INF2: variants seen among roughly 807,000 people sequenced by gnomAD.
INF2 encodes the protein inverted formin 2.
In INF2, 43 loss-of-function variants were observed where a neutral mutation model predicts 123.5. The observed-to-expected ratio is 0.35, with a 90% CI of 0.27 to 0.45. The LOEUF (loss-of-function observed/expected upper bound fraction) is 0.45. Among genes scored for constraint, INF2 ranks in the 20% least tolerant of loss-of-function variants. INF2 has a pLI of 1.00. For missense variants in INF2, 1,453 were observed against 1,682.7 expected, an observed-to-expected ratio of 0.86 and a Z score of 2.39; for synonymous variants, 851 against 745.0, an observed-to-expected ratio of 1.14 and a Z score of -2.32.
intron 13 of INF2, 57 bp downstream of exon 13, chr14:104,710,245 G>C: frequency 2.2e-6 from 3 of 1,336,570 alleles, no homozygotes; most frequent in Non-Finnish European, 3.1e-6. Flanking sequence ...GAACCGGGGC[G>C]GGAGGGCTGC....
In INF2 at chr14:104,701,812, C is replaced by T. The variant is rs1889520808; in HGVS notation, c.391+56C>T. The T allele has an allele frequency of 2.1e-6, 3 of 1,436,266 alleles. No homozygotes were observed. The African/African-American group carries it at 4.3e-5, about 21-fold the overall frequency. The allele number at this position is 1,436,266 out of a possible 1,614,324, so 89.0% of individuals were successfully genotyped here. ...CGGACGCTGGGGACCTGGTATGAGGCTTCAGGCCCAAAAGGCCCCGGGAGG... is the reference window on the plus strand; with the variant it reads ...CGGACGCTGGGGACCTGGTATGAGGTTTCAGGCCCAAAAGGCCCCGGGAGG... On this transcript the variant is annotated intron_variant, in intron 2 of 22. Coordinates refer to ENST00000392634, the MANE Select transcript of INF2 (RefSeq NM_022489.4).
rs770240053 is a variant in INF2 at position 104,706,992 on chromosome 14, A to G, written c.926A>G (p.Gln309Arg). Residue 309 changes from glutamine (Q) to arginine (R), a missense_variant, in exon 7 of 23, where the codon CAG becomes CGG. Around this residue, in one of 8 missense-constraint regions of INF2, gnomAD observed 374 missense variants for 303.7 expected, o/e 1.23. Transcript: ENST00000392634. ...LHLEPTLRSS[Q>R]LLWEALESLV... The stretch of plus-strand genomic sequence containing the variant: ...CTGGAGCCCACCCTCCGCTCCAGCC[A>G]GCTGCTCTGGGAGGCCCTGGAGAGC... 5 of 1,598,352 alleles carry G rather than the reference A, an allele frequency of 3.1e-6. No individual in the cohort carries two copies. In the South Asian group the frequency reaches 4.4e-5, roughly 14 times the overall value.
chr14:104,689,638 C>A lies in INF2; in HGVS notation c.-111C>A. ...CGCCCGCCAGGAGCCACCGTCCGAG[C>A]CTTGCGGAGCGCGGCAGTGGGCGCC... On this transcript the variant is annotated 5_prime_UTR_variant, in exon 1 of 23. Coordinates refer to ENST00000392634, the MANE Select transcript of INF2 (RefSeq NM_022489.4). The A allele has an allele frequency of 6.3e-6, 6 of 953,656 alleles. No homozygotes were observed. Among genetic ancestry groups the A allele is most frequent in the Non-Finnish European group, 7.5e-6 (6 of 801,490 alleles). The allele number at this position is 953,656 out of a possible 1,614,324, so 59.1% of individuals were successfully genotyped here. A position where few individuals can be genotyped will look rare whatever the true frequency, so the allele number is the denominator to read the frequency against.
intron 11 of INF2, 95 bp downstream of exon 11, chr14:104,709,478 A>G: frequency 7.9e-7 from 1 of 1,271,238 alleles, no homozygotes; most frequent in Non-Finnish European, 1.1e-6. Context: ...CAGAGAAGGG[A>G]GGCATCCCAG....
chr14:104,697,677 C>T (rs886482574), intron 1 of INF2, among the ~76,000 whole-genome samples: 4 of 152,236 alleles, frequency 2.6e-5, no homozygotes, highest in African/African-American at 9.6e-5. Context: ...AGGCCCAGGC[C>T]CAGAGGGGGA....
intron 8 of INF2, 170 bp from the exon 9 acceptor site, chr14:104,708,266 C>A: frequency 1.1e-6 from 1 of 930,242 alleles, no homozygotes; most frequent in Non-Finnish European, 1.6e-6. Flanking sequence ...TGGGGCCCTG[C>A]TACAGGTGCT....
At chr14:104,685,820 ATGGG>A (rs1888644917), upstream of INF2, among the ~76,000 whole-genome samples, 1 of 129,242 alleles carries the variant, frequency 7.7e-6, no homozygotes. Context: ...TGAGTGGATG[ATGGG>A]TGGGTAGGCC....
chr14:104,706,135 A>G lies in INF2; in HGVS notation c.802A>G (p.Met268Val), dbSNP rs773749344. The change falls in exon 6 of 23, where the codon ATG becomes GTG. Residue 268 changes from methionine (M) to valine (V), a missense_variant. This residue lies in a region of INF2 where 251 missense variants were observed against 349.4 expected (regional missense o/e 0.72). Coordinates refer to ENST00000392634, the MANE Select transcript of INF2 (RefSeq NM_022489.4). Reference sequence around the variant, plus strand: ...GCTGCGAGTCTCTGGCGGGGTCGACATGAGCAGCCACCAGGAGGTCTTTGC... The same window carrying G: ...GCTGCGAGTCTCTGGCGGGGTCGACGTGAGCAGCCACCAGGAGGTCTTTGC... ...ELLRVSGGVD[M>V]SSHQEVFASL... is the part of the protein sequence containing the mutation. 6.2e-7 allele frequency: 1 copy of G among 1,606,100 alleles called. No homozygotes were observed. Among genetic ancestry groups the G allele is most frequent in the Non-Finnish European group, 8.5e-7 (1 of 1,176,940 alleles).
chr14:104,718,985 G>A lies in INF2; in HGVS notation c.*192G>A, dbSNP rs1360472950. 1 of 1,357,228 alleles carries A rather than the reference G, an allele frequency of 7.4e-7. No homozygotes were observed. The allele number at this position is 1,357,228 out of a possible 1,614,324, so 84.1% of individuals were successfully genotyped here. ...GTGGCTGGGAACCCGACAGGCACCAGTGCCCTGCCAGGCCTGGTGCCCTCC... is the reference window on the plus strand; with the variant it reads ...GTGGCTGGGAACCCGACAGGCACCAATGCCCTGCCAGGCCTGGTGCCCTCC... On this transcript the variant is annotated 3_prime_UTR_variant, in exon 23 of 23. Transcript: ENST00000392634.
chr14:104,711,575 C>T lies in INF2; in HGVS notation c.2419-54C>T, dbSNP rs1595176221. 2.7e-6 allele frequency: 4 copies of T among 1,499,132 alleles called. No homozygotes were observed. The South Asian group carries it at 4.5e-5, about 17-fold the overall frequency. 92.9% of individuals were successfully genotyped at this position (1,499,132 alleles called of 1,614,324 possible). ...GCTGGGGGAGTGGGAACAGGGTCAT[C>T]CCCAGGTGGAGAGTATGACCACAGT... is the stretch of plus-strand genomic sequence containing the variant. On this transcript the variant is annotated intron_variant, in intron 15 of 22. Transcript: ENST00000392634.
chr14:104,701,810 G>A, intron 2 of INF2, 54 bp downstream of exon 2: 2 of 1,439,144 alleles, frequency 1.4e-6, no homozygotes, highest in Non-Finnish European at 1.8e-6. Flanking sequence ...CCTGGTATGA[G>A]GCTTCAGGCC....
chr14:104,712,659 C>A, intron 17 of INF2, 106 bp downstream of exon 17: 1 of 1,552,098 alleles, frequency 6.4e-7, no homozygotes, highest in Non-Finnish European at 8.8e-7. Flanking sequence ...TCCTGGGGCC[C>A]GAGTTTCCCC....
chr14:104,689,434 T>C (rs1163753526), upstream of INF2, among the ~76,000 whole-genome samples: 2 of 151,934 alleles, frequency 1.3e-5, no homozygotes, highest in Non-Finnish European at 2.9e-5. Flanking sequence ...GGCCAGGTTA[T>C]TCACGGGAGT....
At chr14:104,715,185 T>C (rs1335787401) in intron 21 of INF2, 99 bp from the exon 22 acceptor site, 1 of 1,180,842 alleles carries the variant, frequency 8.5e-7, no homozygotes, top group Non-Finnish European at 1.3e-6. Context: ...TCAGAGGGTG[T>C]TGGCATGGCT....
rs917521640 is a variant in INF2 at position 104,710,055 on chromosome 14, C to T, written c.2139-33C>T. On this transcript the variant is annotated intron_variant, in intron 12 of 22. Transcript: ENST00000392634. ...CTCTGGCAGGGACAGGTGGGGGGTG[C>T]AGGCCACTGATCCCTGTCTGTGCCA... The T allele has an allele frequency of 8.0e-6, 12 of 1,504,204 alleles. No individual in the cohort carries two copies. In the Admixed American group the frequency reaches 2.2e-4, roughly 27 times the overall value. 93.2% of individuals were successfully genotyped at this position (1,504,204 alleles called of 1,614,324 possible).
upstream of INF2, among the ~76,000 whole-genome samples, chr14:104,688,304 G>C (rs570948023): frequency 6.6e-6 from 1 of 152,254 alleles, no homozygotes; most frequent in East Asian, 1.9e-4. Context: ...GGCAAGGTCC[G>C]CACAGGGAGC....
intron 21 of INF2, 33 bp downstream of exon 21, chr14:104,714,889 A>C (rs1471644416): frequency 6.7e-7 from 1 of 1,494,072 alleles, no homozygotes; most frequent in East Asian, 2.4e-5. Context: ...GCACCGTCCC[A>C]CGCCAGGGCG....
chr14:104,681,687 C>G, intron 1 of INF2: 2 of 944,828 alleles, frequency 2.1e-6, no homozygotes, highest in South Asian at 1.5e-5. Context: ...GAGGCACAGG[C>G]CCCTGAGGTC....
rs1889842903 is a variant in INF2, at chr14:104,707,588, C to T, written c.1321C>T (p.Pro441Ser). Reference sequence around the variant, plus strand: ...TTCCAGTGCCGAGCCCCCTCCCCCTCCCCCACCACCCCCCCTGCCCAGTGT... The same window carrying T: ...TTCCAGTGCCGAGCCCCCTCCCCCTTCCCCACCACCCCCCCTGCCCAGTGT... The part of the protein sequence containing the change: ...PGSSAEPPPP[P>S]PPPPLPSVGA... Residue 441 changes from proline to serine, a missense_variant, in exon 8 of 23, where the codon CCC becomes TCC. Around this residue, in one of 8 missense-constraint regions of INF2, gnomAD observed 374 missense variants for 303.7 expected, o/e 1.23. Transcript: ENST00000392634. 9.4e-7 allele frequency: 1 copy of T among 1,059,698 alleles called. No individual in the cohort carries two copies. Among genetic ancestry groups the T allele is most frequent in the Non-Finnish European group, 1.3e-6 (1 of 775,946 alleles). 65.6% of individuals were successfully genotyped at this position (1,059,698 alleles called of 1,614,324 possible). A position where few individuals can be genotyped will look rare whatever the true frequency, so the allele number is the denominator to read the frequency against.
Sources: gnomAD v4.1 joint callset for allele counts (sites outside exome capture counted in the v4.1 genomes callset) on GRCh38, gnomAD v4.1.1 for gene constraint, gnomAD v4.1.1 regional missense constraint, MANE v1.5 for transcripts, NCBI Gene and HGNC (gene_info 2026-07-23, HGNC 2026-07-21) for gene names.